The following STAT3 variants were observed in gnomAD, a reference collection of about 807,000 sequenced individuals.
STAT3 encodes signal transducer and activator of transcription 3.
STAT3 carries 7 observed loss-of-function variants against 114.3 expected under a neutral mutation model. The observed-to-expected ratio is 0.06, with a 90% confidence interval of 0.03 to 0.11. STAT3 has a LOEUF of 0.11. STAT3 is among the 10% of genes least tolerant of loss of function. The pLI is 1.00. For synonymous variants in STAT3, 331 were observed against 354.5 expected (o/e 0.93, Z 0.74); for missense variants, 364 against 960.9 (o/e 0.38, Z 8.21).
chr17:42,341,622 C>T (rs972429497), intron 4 of STAT3, among the ~76,000 whole-genome samples: 3 of 152,162 alleles, frequency 2.0e-5, no homozygotes, highest in Admixed American at 6.6e-5. Context: ...CAATTCTAGA[C>T]ACTTAAGAGC....
rs770529542 is a variant in STAT3 at position 42,324,913 on chromosome 17, C to T, written c.1464+50G>A. 6.2e-7 allele frequency: 1 copy of T among 1,614,114 alleles called. No individual in the cohort carries two copies. The highest frequency in any genetic ancestry group is 1.7e-5 in the Admixed American group (1 of 59,994). ...TGCTCATTGTCTATACTAGGTACCC[C>T]TAAGTCGCAAGAGATCCCGGGGCAC... On this transcript the variant is annotated intron_variant, in intron 16 of 23. Transcript: ENST00000264657. The surrounding 1 kb of genome is among the most constrained non-coding windows in gnomAD (Gnocchi z 4.5).
chr17:42,336,118 T>C (rs1050651149), intron 8 of STAT3, among the ~76,000 whole-genome samples: 3 of 152,044 alleles, frequency 2.0e-5, no homozygotes, highest in Non-Finnish European at 4.4e-5. Context: ...TCAGGGTTAG[T>C]GAGGATATGA....
intron 14 of STAT3, among the ~76,000 whole-genome samples, chr17:42,328,817 T>C (rs2081860694): frequency 6.6e-6 from 1 of 152,190 alleles, no homozygotes; most frequent in Non-Finnish European, 1.5e-5. Context: ...TTTACCTTTT[T>C]TTGTTTGTTT....
At chr17:42,370,194 C>T (rs938491875) in intron 1 of STAT3, among the ~76,000 whole-genome samples, 10 of 150,800 alleles carry the variant, frequency 6.6e-5, no homozygotes, top group Non-Finnish European at 1.2e-4. Flanking sequence ...TCAAGTGATC[C>T]GCCCACCTTG....
At chr17:42,316,304 C>A (rs1301325141) in intron 23 of STAT3, 2 of 355,076 alleles carry the variant, frequency 5.6e-6, no homozygotes, top group Non-Finnish European at 1.1e-5. Flanking sequence ...GGCACGATCT[C>A]TGCTCACTGC....
In STAT3 at chr17:42,337,340, T is replaced by C. The variant is rs936336135; in HGVS notation, c.797+95A>G. 15 of 1,512,450 alleles carry C rather than the reference T, an allele frequency of 9.9e-6. No homozygotes were observed. In the African/African-American group the frequency reaches 1.3e-4, roughly 13 times the overall value. 93.7% of individuals were successfully genotyped at this position (1,512,450 alleles called of 1,614,324 possible). On this transcript the variant is annotated intron_variant, in intron 8 of 23. Transcript: ENST00000264657. This position sits in a 1 kb window ranked among gnomAD's most constrained non-coding sequence, Gnocchi z 4.0. ...ATTTGAATATGGAAAAGTCCCCACG[T>C]TGGAGATATAGTACCAATTCTGTGG...
chr17:42,326,692 C>T (rs1427924051), intron 14 of STAT3, among the ~76,000 whole-genome samples: 4 of 151,852 alleles, frequency 2.6e-5, no homozygotes, highest in Non-Finnish European at 4.4e-5. Flanking sequence ...TGGTAGTGGG[C>T]GCCTGTAGTC....
At chr17:42,378,588 G>A (rs1198253162) in intron 1 of STAT3, among the ~76,000 whole-genome samples, 1 of 152,174 alleles carries the variant, frequency 6.6e-6, no homozygotes, top group African/African-American at 2.4e-5. Flanking sequence ...CAATAAATGT[G>A]CTTTCCCTAA....
At chr17:42,351,129 C>CA (rs139529559) in intron 1 of STAT3, among the ~76,000 whole-genome samples, 5,138 of 76,764 alleles carry the variant, frequency 0.067, 157 homozygotes, top group Non-Finnish European at 0.11. Flanking sequence ...GACTCCATCT[C>CA]AAAAAAAAAA....
chr17:42,353,638 ATATAGATCACTG>A (rs2083084672), intron 1 of STAT3, among the ~76,000 whole-genome samples: 1 of 152,080 alleles, frequency 6.6e-6, no homozygotes, highest in Admixed American at 6.6e-5. Context: ...GCAGTGGCAA[ATATAGATCACTG>A]TAACCTCCAA....
At chr17:42,342,516 C>T (rs2082489254) in intron 4 of STAT3, among the ~76,000 whole-genome samples, 2 of 151,906 alleles carry the variant, frequency 1.3e-5, no homozygotes, top group African/African-American at 4.8e-5. Flanking sequence ...ACTGGGTCCC[C>T]ATTTCCTACA....
intron 8 of STAT3, among the ~76,000 whole-genome samples, chr17:42,334,675 C>T (rs2082160209): frequency 6.6e-6 from 1 of 152,172 alleles, no homozygotes; most frequent in African/African-American, 2.4e-5. Context: ...GAACTCCTGA[C>T]CTCAGGTGAT....
At chr17:42,384,153 G>T (rs1454032305) in intron 1 of STAT3, among the ~76,000 whole-genome samples, 1 of 147,246 alleles carries the variant, frequency 6.8e-6, no homozygotes, top group African/African-American at 2.5e-5. Context: ...TTTTGAGACG[G>T]AGTCTCGCTC....
intron 10 of STAT3, among the ~76,000 whole-genome samples, chr17:42,332,937 G>A (rs1041651387): frequency 4.6e-5 from 7 of 152,128 alleles, no homozygotes; most frequent in Non-Finnish European, 2.9e-5. Context: ...GGAGATGGAG[G>A]TTGCAGTGAG....
intron 15 of STAT3, among the ~76,000 whole-genome samples, chr17:42,325,493 C>T (rs1222374371): frequency 6.6e-6 from 1 of 152,046 alleles, no homozygotes; most frequent in Non-Finnish European, 1.5e-5. Flanking sequence ...ATGTCATTGC[C>T]ACAATTTTCT....
intron 1 of STAT3, among the ~76,000 whole-genome samples, chr17:42,370,769 A>ATTT (rs544951035): frequency 7.5e-6 from 1 of 134,148 alleles, no homozygotes; most frequent in Non-Finnish European, 1.6e-5. Context: ...CACCCAGCTA[A>ATTT]TTTTTTTTTT....
intron 4 of STAT3, 46 bp from the exon 5 acceptor site, chr17:42,339,455 G>A: frequency 6.4e-7 from 1 of 1,559,478 alleles, no homozygotes. Flanking sequence ...GAACTATGGG[G>A]AGAGGAATAC....
At position 42,331,530 on chromosome 17, in the gene STAT3, A is replaced by G. The variant is rs1429479664; in HGVS notation, c.1051T>C (p.Leu351=). The part of the protein sequence containing the change: ...TGVQFTTKVR[L]LVKFPELNYQ... ...TTCAACTCAGGGAATTTGACCAGCA[A>G]CCTATTTAAAAAGAAAAAATCCAAG... is the stretch of plus-strand genomic sequence containing the variant. Residue 351 remains leucine, a splice_region_variant and synonymous_variant, in exon 11 of 24, where the codon TTG becomes CTG. Coordinates refer to ENST00000264657, the MANE Select transcript of STAT3 (RefSeq NM_139276.3). 1.2e-5 allele frequency: 20 copies of G among 1,613,624 alleles called. No individual in the cohort carries two copies. The highest frequency in any genetic ancestry group is 1.7e-5 in the Non-Finnish European group (20 of 1,179,776).
chr17:42,324,583 G>T lies in STAT3; in HGVS notation c.1600+128C>A. ...CCAACTCCCCTGTTTCCTGGCACCAGCACAGCGCCTTGCTCAGGAAAGAAA... is the reference window on the plus strand; with the variant it reads ...CCAACTCCCCTGTTTCCTGGCACCATCACAGCGCCTTGCTCAGGAAAGAAA... On this transcript the variant is annotated intron_variant, in intron 17 of 23. Transcript: ENST00000264657. This position sits in a 1 kb window ranked among gnomAD's most constrained non-coding sequence, Gnocchi z 4.5. The T allele has an allele frequency of 7.3e-7, 1 of 1,364,386 alleles. No individual in the cohort carries two copies. The highest frequency in any genetic ancestry group is 1.0e-6 in the Non-Finnish European group (1 of 998,044). 84.5% of individuals were successfully genotyped at this position (1,364,386 alleles called of 1,614,324 possible). A position where few individuals can be genotyped will look rare whatever the true frequency, so the allele number is the denominator to read the frequency against.
Sources: gnomAD v4.1 joint callset for allele counts (sites outside exome capture counted in the v4.1 genomes callset) on GRCh38, gnomAD v4.1.1 for gene constraint, Gnocchi (gnomAD v3.1) non-coding constraint, MANE v1.5 for transcripts, NCBI Gene and HGNC (gene_info 2026-07-23, HGNC 2026-07-21) for gene names.